The following CAAP1 variants were observed in gnomAD, a reference collection of about 807,000 sequenced individuals.
The protein encoded by CAAP1 is conserved anti-apoptotic protein.
CAAP1 carries 20 observed loss-of-function variants against 34.0 expected under a neutral mutation model. That is an observed-to-expected ratio of 0.59 (90% confidence interval 0.41 to 0.86). The LOEUF is 0.86. Among genes scored for constraint, CAAP1 ranks in the 40% least tolerant of loss-of-function variants. The probability of loss-of-function intolerance (pLI) is 0.00; values close to 1 mark genes in which losing one functional copy is unlikely to be tolerated. For missense variants in CAAP1, 538 were observed against 450.5 expected, an observed-to-expected ratio of 1.19 and a Z score of -1.76; for synonymous variants, 213 against 166.7, an observed-to-expected ratio of 1.28 and a Z score of -2.14.
intron 4 of CAAP1, among the ~76,000 whole-genome samples, chr9:26,874,206 CAAAAAAAAAAAAA>C (rs34601727): frequency 1.9e-5 from 1 of 53,238 alleles, no homozygotes; most frequent in Non-Finnish European, 3.6e-5. Flanking sequence ...GACTCTGTCT[CAAAAAAAAAAAAA>C]AAAAAAAAAA....
intron 4 of CAAP1, among the ~76,000 whole-genome samples, chr9:26,882,080 G>C (rs936205133): frequency 1.3e-5 from 2 of 152,228 alleles, no homozygotes; most frequent in South Asian, 2.1e-4. Context: ...CAAGAGGTAT[G>C]TGGGTATTAT....
chr9:26,867,949 T>C (rs1823176814), intron 4 of CAAP1, among the ~76,000 whole-genome samples: 3 of 152,180 alleles, frequency 2.0e-5, no homozygotes, highest in Admixed American at 2.0e-4. Flanking sequence ...TGGTACTGCT[T>C]TGGAGAAAGA....
At chr9:26,888,292 T>C (rs1233571700) in intron 1 of CAAP1, among the ~76,000 whole-genome samples, 2 of 152,240 alleles carry the variant, frequency 1.3e-5, no homozygotes, top group African/African-American at 4.8e-5. Flanking sequence ...TCATGCTCAT[T>C]CTTTGTGTTT....
At chr9:26,859,894 C>T (rs1051341434) in intron 5 of CAAP1, among the ~76,000 whole-genome samples, 1 of 152,162 alleles carries the variant, frequency 6.6e-6, no homozygotes, top group Non-Finnish European at 1.5e-5. Flanking sequence ...CTAGATTTTG[C>T]TCTCTCTACA....
intron 4 of CAAP1, among the ~76,000 whole-genome samples, chr9:26,861,605 G>A (rs869057): frequency 0.01 from 1,554 of 152,178 alleles, 26 homozygotes; most frequent in African/African-American, 0.036. Flanking sequence ...ATATACATAT[G>A]TAATCAAAGT....
At chr9:26,878,953 T>A (rs1451615946) in intron 4 of CAAP1, among the ~76,000 whole-genome samples, 1 of 152,156 alleles carries the variant, frequency 6.6e-6, no homozygotes, top group Admixed American at 6.5e-5. Flanking sequence ...GCAACCAACA[T>A]CCATCTTACT....
At chr9:26,886,250 A>C (rs1823736066) in intron 2 of CAAP1, 62 bp from the exon 3 acceptor site, 2 of 785,620 alleles carry the variant, frequency 2.5e-6, no homozygotes, top group Non-Finnish European at 3.7e-6. Context: ...GTAAACTGGA[A>C]AATTTCAATC....
chr9:26,851,806 C>T (rs1192780767), intron 5 of CAAP1, among the ~76,000 whole-genome samples: 1 of 152,118 alleles, frequency 6.6e-6, no homozygotes, highest in Non-Finnish European at 1.5e-5. Context: ...CAACTTTTCC[C>T]CCTCAAGATT....
intron 5 of CAAP1, among the ~76,000 whole-genome samples, chr9:26,857,877 C>CAA (rs74414103): frequency 4.6e-5 from 7 of 151,918 alleles, no homozygotes; most frequent in African/African-American, 1.4e-4. Context: ...CAGTACTAGA[C>CAA]AAAAAAATGC....
chr9:26,842,760 A>G (rs1261879955), intron 5 of CAAP1, 113 bp from the exon 6 acceptor site: 1 of 787,560 alleles, frequency 1.3e-6, no homozygotes, highest in Non-Finnish European at 2.0e-6. Flanking sequence ...ATGGAGTCCC[A>G]AACACATTCC....
At chr9:26,866,635 T>C (rs1823145702) in intron 4 of CAAP1, among the ~76,000 whole-genome samples, 1 of 152,216 alleles carries the variant, frequency 6.6e-6, no homozygotes, top group African/African-American at 2.4e-5. Flanking sequence ...AGTGGTTACC[T>C]TTGAAGCTTG....
chr9:26,873,296 T>G (rs955210922), intron 4 of CAAP1, among the ~76,000 whole-genome samples: 1 of 152,208 alleles, frequency 6.6e-6, no homozygotes, highest in Admixed American at 6.5e-5. Context: ...TTGAGATTTT[T>G]AAAATTTCTT....
At chr9:26,855,299 C>A (rs752273924) in intron 5 of CAAP1, among the ~76,000 whole-genome samples, 1 of 152,094 alleles carries the variant, frequency 6.6e-6, no homozygotes, top group Non-Finnish European at 1.5e-5. Flanking sequence ...GACTATAAAA[C>A]GATCAGTGGT....
At chr9:26,871,224 A>G (rs1453030992) in intron 4 of CAAP1, among the ~76,000 whole-genome samples, 1 of 152,180 alleles carries the variant, frequency 6.6e-6, no homozygotes, top group Admixed American at 6.5e-5. Flanking sequence ...TAATGACATG[A>G]GCTAAACCTA....
At chr9:26,863,485 T>C (rs1477825140) in intron 4 of CAAP1, among the ~76,000 whole-genome samples, 1 of 152,120 alleles carries the variant, frequency 6.6e-6, no homozygotes, top group East Asian at 1.9e-4. Context: ...GCAAGATATT[T>C]ACAAAAAGGA....
At chr9:26,847,199 T>TTTTTTTTTTG (rs1822634757) in intron 5 of CAAP1, among the ~76,000 whole-genome samples, 1 of 21,424 alleles carries the variant, frequency 4.7e-5, no homozygotes, top group Non-Finnish European at 7.9e-5. Context: ...AAAAGCAATA[T>TTTTTTTTTTG]TTTTTTTTTT....
chr9:26,857,386 C>G (rs1437876166), intron 5 of CAAP1, among the ~76,000 whole-genome samples: 1 of 152,224 alleles, frequency 6.6e-6, no homozygotes, highest in Non-Finnish European at 1.5e-5. Flanking sequence ...AATCCCAACA[C>G]TTTGGAAGGC....
At chr9:26,847,198 A>ATTTTTTTTT (rs1171628621) in intron 5 of CAAP1, among the ~76,000 whole-genome samples, 425 of 34,756 alleles carry the variant, frequency 0.012, 142 homozygotes, top group Non-Finnish European at 0.017. Flanking sequence ...AAAAAGCAAT[A>ATTTTTTTTT]TTTTTTTTTT....
At chr9:26,869,336 AT>A (rs1019634576) in intron 4 of CAAP1, among the ~76,000 whole-genome samples, 1 of 152,162 alleles carries the variant, frequency 6.6e-6, no homozygotes, top group Non-Finnish European at 1.5e-5. Flanking sequence ...AAATCTGAGC[AT>A]TTTTTATTAA....
Sources: allele counts gnomAD v4.1 joint callset (sites outside exome capture counted in the v4.1 genomes callset), GRCh38; gene constraint gnomAD v4.1.1; transcripts MANE v1.5; gene names NCBI Gene and HGNC (gene_info 2026-07-23, HGNC 2026-07-21).